Variants in RASEF observed in about 807,000 individuals in gnomAD.
The protein encoded by RASEF is RAS and EF-hand domain containing, also known as ras and EF-hand domain-containing protein.
RASEF carries 68 observed loss-of-function variants against 90.1 expected under a neutral mutation model. The ratio of observed to expected loss-of-function variants is 0.75; its 90% CI spans 0.62 to 0.92. The LOEUF is 0.92. RASEF is among the 40% of genes least tolerant of loss of function. RASEF has a pLI of 0.00. For synonymous variants in RASEF, 331 were observed against 345.2 expected (o/e 0.96, Z 0.46); for missense variants, 949 against 937.2 (o/e 1.01, Z -0.16).
intron 1 of RASEF, among the ~76,000 whole-genome samples, chr9:83,035,811 G>T (rs1328188321): frequency 6.6e-6 from 1 of 151,976 alleles, no homozygotes; most frequent in Non-Finnish European, 1.5e-5. Flanking sequence ...TTTCTCTTTA[G>T]GTGACATCTG....
At chr9:83,180,392 G>A in the RASEF span, among the ~76,000 whole-genome samples, 2 of 151,898 alleles carry the variant, frequency 1.3e-5, no homozygotes, top group African/African-American at 4.8e-5. Flanking sequence ...AGGTCTCTAG[G>A]TTCAGAAAAA....
At chr9:83,146,798 A>C in the RASEF span, among the ~76,000 whole-genome samples, 2 of 152,084 alleles carry the variant, frequency 1.3e-5, no homozygotes, top group Non-Finnish European at 2.9e-5. Context: ...GGCTTCTGAA[A>C]CCTCAGGAAC....
chr9:83,010,624 A>G (rs2118498282), intron 5 of RASEF, among the ~76,000 whole-genome samples: 1 of 152,332 alleles, frequency 6.6e-6, no homozygotes, highest in East Asian at 1.9e-4. Context: ...CCCATTCCCT[A>G]TCTTACCCTA....
At chr9:83,029,282 C>T (rs1829600403) in intron 1 of RASEF, among the ~76,000 whole-genome samples, 1 of 152,064 alleles carries the variant, frequency 6.6e-6, no homozygotes, top group African/African-American at 2.4e-5. Flanking sequence ...AAAATCAATC[C>T]ACAGACCAAG....
chr9:83,164,337 GTA>G, the RASEF span, among the ~76,000 whole-genome samples: 5 of 58,426 alleles, frequency 8.6e-5, no homozygotes, highest in Non-Finnish European at 1.2e-4. Flanking sequence ...ATATATATTT[GTA>G]TATGTGTGTA....
At chr9:83,081,639 C>T in the RASEF span, among the ~76,000 whole-genome samples, 1 of 152,144 alleles carries the variant, frequency 6.6e-6, no homozygotes, top group Admixed American at 6.5e-5. Flanking sequence ...ATTCAACCAC[C>T]GTTGGAAGTT....
At chr9:83,142,586 G>A in the RASEF span, among the ~76,000 whole-genome samples, 1 of 152,206 alleles carries the variant, frequency 6.6e-6, no homozygotes, top group Non-Finnish European at 1.5e-5. Context: ...ATATGCCAGA[G>A]TCAGCATTTC....
At chr9:83,102,600 G>T in the RASEF span, among the ~76,000 whole-genome samples, 3 of 152,116 alleles carry the variant, frequency 2.0e-5, no homozygotes, top group African/African-American at 4.8e-5. Flanking sequence ...ATCACCCAGG[G>T]CTACACACGA....
the RASEF span, among the ~76,000 whole-genome samples, chr9:83,210,770 G>A: frequency 2.0e-5 from 3 of 152,196 alleles, no homozygotes; most frequent in African/African-American, 7.2e-5. Context: ...TATAGGTATA[G>A]TATAAATAGG....
In RASEF at chr9:83,062,722, G is replaced by T; in HGVS notation, c.146C>A (p.Ala49Glu). The T allele has an allele frequency of 6.3e-7, 1 of 1,576,706 alleles. No individual in the cohort carries two copies. The highest frequency in any genetic ancestry group is 8.5e-7 in the Non-Finnish European group (1 of 1,170,042). ...ELRVRPADAE[A>E]VFQRLDADRD... ...GTCGGCGTCCAGCCGCTGGAATACT[G>T]CCTCGGCGTCGGCCGGCCGCACCCG... Residue 49 changes from alanine (A) to glutamate (E), a missense_variant, in exon 1 of 17, where the codon GCA becomes GAA. Transcript: ENST00000376447.
intron 15 of RASEF, among the ~76,000 whole-genome samples, chr9:82,991,882 G>A (rs1828821772): frequency 6.6e-6 from 1 of 152,228 alleles, no homozygotes; most frequent in African/African-American, 2.4e-5. Context: ...GATTTCATGA[G>A]TTTAACATCT....
chr9:83,145,654 C>G, the RASEF span, among the ~76,000 whole-genome samples: 1 of 151,420 alleles, frequency 6.6e-6, no homozygotes, highest in Admixed American at 6.6e-5. Context: ...TAAAAAGGAT[C>G]TCATATAACT....
intron 9 of RASEF, 99 bp from the exon 10 acceptor site, chr9:83,001,229 G>A (rs928834192): frequency 1.2e-5 from 10 of 801,336 alleles, no homozygotes; most frequent in African/African-American, 5.1e-5. Context: ...CAAGTAGGCC[G>A]ACTGTGGCTA....
the RASEF span, among the ~76,000 whole-genome samples, chr9:83,179,029 T>C: frequency 6.6e-6 from 1 of 152,180 alleles, no homozygotes; most frequent in Admixed American, 6.6e-5. Context: ...GTTCCCCAAC[T>C]GCAGTCATTT....
the RASEF span, among the ~76,000 whole-genome samples, chr9:83,215,748 G>A: frequency 6.6e-6 from 1 of 152,196 alleles, no homozygotes; most frequent in Admixed American, 6.5e-5. Flanking sequence ...AACAGGCAGA[G>A]GTTGGAATGG....
intron 1 of RASEF, among the ~76,000 whole-genome samples, chr9:83,042,871 C>CAGGA (rs952060758): frequency 1.3e-5 from 2 of 152,056 alleles, no homozygotes; most frequent in African/African-American, 4.8e-5. Context: ...ACAAAAGACC[C>CAGGA]AGGAAGGAAG....
intron 1 of RASEF, among the ~76,000 whole-genome samples, chr9:83,044,067 T>G (rs1204405005): frequency 6.6e-6 from 1 of 152,170 alleles, no homozygotes; most frequent in Non-Finnish European, 1.5e-5. Flanking sequence ...GTTAGTAACT[T>G]CCAACTCGGG....
intron 16 of RASEF, among the ~76,000 whole-genome samples, chr9:82,988,820 C>CA (rs1276693128): frequency 6.6e-6 from 1 of 152,166 alleles, no homozygotes; most frequent in Non-Finnish European, 1.5e-5. Flanking sequence ...CCAATTGAAC[C>CA]TATTTTCTTT....
chr9:83,202,159 C>A, the RASEF span: 8 of 152,482 alleles, frequency 5.2e-5, no homozygotes, highest in Admixed American at 2.0e-4. Context: ...TAGCAACATG[C>A]ACTTTGCTCC....
Sources: allele counts gnomAD v4.1 joint callset (sites outside exome capture counted in the v4.1 genomes callset), GRCh38; gene constraint gnomAD v4.1.1; transcripts MANE v1.5; gene names NCBI Gene and HGNC (gene_info 2026-07-23, HGNC 2026-07-21).